NEDD4L: variants seen among roughly 807,000 people sequenced by gnomAD.
The protein encoded by NEDD4L is NEDD4 like E3 ubiquitin protein ligase.
A neutral mutation model predicts 148.9 loss-of-function variants in NEDD4L; 54 were observed. The ratio of observed to expected loss-of-function variants is 0.36; its 90% CI spans 0.29 to 0.45. NEDD4L has a LOEUF of 0.45. Ranked by LOEUF, NEDD4L falls within the 20% of genes least tolerant of loss-of-function variation. The probability of loss-of-function intolerance (pLI) is 1.00; values close to 1 mark genes in which losing one functional copy is unlikely to be tolerated. For missense variants in NEDD4L, 856 were observed against 1,233.8 expected, an observed-to-expected ratio of 0.69 and a Z score of 4.59; for synonymous variants, 433 against 440.7, an observed-to-expected ratio of 0.98 and a Z score of 0.22.
At chr18:58,288,134 G>A (rs932516969) in intron 5 of NEDD4L, among the ~76,000 whole-genome samples, 13 of 152,138 alleles carry the variant, frequency 8.5e-5, no homozygotes, top group African/African-American at 3.1e-4. Flanking sequence ...TTGATAGCAG[G>A]CTGTGGAGAA....
At chr18:58,382,604 C>T (rs1034095645) in intron 24 of NEDD4L, among the ~76,000 whole-genome samples, 1 of 152,070 alleles carries the variant, frequency 6.6e-6, no homozygotes, top group Non-Finnish European at 1.5e-5. Context: ...TTATGGTAAG[C>T]TAGGTCTGGG....
intron 6 of NEDD4L, among the ~76,000 whole-genome samples, chr18:58,320,052 C>A (rs577160361): frequency 1.3e-4 from 20 of 152,312 alleles, no homozygotes; most frequent in African/African-American, 4.6e-4. Flanking sequence ...CCTAGGAGAT[C>A]TGCCTTTTGA....
chr18:58,366,286 A>G lies in NEDD4L; in HGVS notation c.2063+58A>G, dbSNP rs2046095279. On this transcript the variant is annotated intron_variant, in intron 21 of 30. Coordinates refer to ENST00000400345, the MANE Select transcript of NEDD4L (RefSeq NM_001144967.3). The surrounding 1 kb of genome is among the most constrained non-coding windows in gnomAD (Gnocchi z 4.2). ...CCACTGAGACAGTTGTATGAATTTA[A>G]ACAGAATGAAAGGATAAGCAGCTCA... 11 of 1,247,044 alleles carry G rather than the reference A, an allele frequency of 8.8e-6. No individual in the cohort carries two copies. Among genetic ancestry groups the G allele is most frequent in the Admixed American group, 2.6e-5 (1 of 38,506 alleles). The allele number at this position is 1,247,044 out of a possible 1,614,324, so 77.2% of individuals were successfully genotyped here.
chr18:58,317,876 A>C lies in NEDD4L; in HGVS notation c.348+1844A>C, dbSNP rs2058432846. On this transcript the variant is annotated intron_variant, in intron 6 of 30. Transcript: ENST00000400345. ...TGGCGTGCTTCACCTCCATACTTCA[A>C]ACTGACTAGCTGTTCACAGCCAACT... 2.0e-5 allele frequency among the ~76,000 whole-genome samples: 3 copies of C among 152,190 alleles called. No individual in the cohort carries two copies. The South Asian group carries it at 6.2e-4, about 32-fold the overall frequency.
chr18:58,180,821 G>A (rs952590304), intron 2 of NEDD4L, among the ~76,000 whole-genome samples: 3 of 152,202 alleles, frequency 2.0e-5, no homozygotes, highest in Non-Finnish European at 4.4e-5. Context: ...CTGCAGAGGG[G>A]CTCTGCCCAT....
chr18:58,367,622 T>G (rs1444493890), intron 21 of NEDD4L, 124 bp from the exon 22 acceptor site: 20 of 1,025,466 alleles, frequency 2.0e-5, no homozygotes, highest in Non-Finnish European at 2.6e-5. Context: ...GCCCACACAT[T>G]TTCCCACTAG....
At chr18:58,097,132 A>G (rs1190509958) in intron 1 of NEDD4L, among the ~76,000 whole-genome samples, 3 of 152,200 alleles carry the variant, frequency 2.0e-5, no homozygotes, top group African/African-American at 4.8e-5. Flanking sequence ...ATGCACGAAG[A>G]TTGTTTTGTT....
intron 5 of NEDD4L, among the ~76,000 whole-genome samples, chr18:58,265,671 C>T (rs924841957): frequency 6.6e-6 from 1 of 151,868 alleles, no homozygotes; most frequent in Non-Finnish European, 1.5e-5. Flanking sequence ...CTCAAGTGAT[C>T]CTCCCACCTC....
intron 1 of NEDD4L, chr18:58,046,594 G>T (rs920054121): frequency 1.3e-5 from 2 of 152,200 alleles, no homozygotes; most frequent in African/African-American, 4.8e-5. Flanking sequence ...GTGAGTGTCA[G>T]AATCTACCTA....
chr18:58,052,018 T>C (rs895770479), intron 1 of NEDD4L, among the ~76,000 whole-genome samples: 3 of 152,214 alleles, frequency 2.0e-5, no homozygotes, highest in African/African-American at 7.2e-5. Flanking sequence ...GGCTCGGGTG[T>C]TGCTTGTTGC....
intron 1 of NEDD4L, among the ~76,000 whole-genome samples, chr18:58,097,837 G>A (rs1453792275): frequency 6.6e-6 from 1 of 152,092 alleles, no homozygotes; most frequent in African/African-American, 2.4e-5. Flanking sequence ...TTCAAGACCA[G>A]CCTGGACAAC....
chr18:58,314,442 TC>T (rs1380412765), intron 5 of NEDD4L: 2 of 148,928 alleles, frequency 1.3e-5, no homozygotes, highest in Non-Finnish European at 3.0e-5. Flanking sequence ...AATAGTGAAA[TC>T]AGCCAAATAG....
At chr18:58,311,653 G>A (rs556774181) in intron 5 of NEDD4L, among the ~76,000 whole-genome samples, 7 of 152,316 alleles carry the variant, frequency 4.6e-5, no homozygotes, top group South Asian at 2.1e-4. Flanking sequence ...AGTAAGATTC[G>A]AATCACATCC....
At chr18:58,370,326 T>A (rs752532899) in intron 22 of NEDD4L, 71 bp from the exon 23 acceptor site, 1 of 944,978 alleles carries the variant, frequency 1.1e-6, no homozygotes, top group Non-Finnish European at 1.7e-6. Flanking sequence ...CAGGTTAATC[T>A]TTTCTTTCAT....
intron 2 of NEDD4L, among the ~76,000 whole-genome samples, chr18:58,217,638 G>T (rs2043287530): frequency 1.3e-5 from 2 of 152,050 alleles, no homozygotes; most frequent in Admixed American, 1.3e-4. Context: ...ACCATACCCA[G>T]CTAATCTTAG....
chr18:58,372,283 C>CTT (rs397858965), intron 23 of NEDD4L: 237 of 143,406 alleles, frequency 1.7e-3, no homozygotes, highest in African/African-American at 3.9e-3. Flanking sequence ...TAGCTAATTT[C>CTT]TTTTTTTTTT....
intron 1 of NEDD4L, among the ~76,000 whole-genome samples, chr18:58,082,989 T>TA (rs1482789369): frequency 6.6e-6 from 1 of 152,172 alleles, no homozygotes; most frequent in East Asian, 1.9e-4. Context: ...CAGTTTCTGT[T>TA]AATCAGTCAA....
chr18:58,137,856 C>G (rs117429293), intron 1 of NEDD4L, among the ~76,000 whole-genome samples: 1 of 152,302 alleles, frequency 6.6e-6, no homozygotes, highest in Non-Finnish European at 1.5e-5. Flanking sequence ...CATTACTTTT[C>G]CTGCCCAGCT....
rs530497679 is a variant in NEDD4L, at chr18:58,324,903, C to A, written c.514-93C>A. The A allele has an allele frequency of 4.4e-5, 53 of 1,211,900 alleles. 1 individual carries two copies. In the African/African-American group the frequency reaches 6.0e-4, roughly 14 times the overall value. 75.1% of individuals were successfully genotyped at this position (1,211,900 alleles called of 1,614,324 possible). Reference sequence around the variant, plus strand: ...TGGCTAGAGCCAGAGAGCCCCAGAGCAAGGAGAAGGGCATGCAGGGCATGC... The same window carrying A: ...TGGCTAGAGCCAGAGAGCCCCAGAGAAAGGAGAAGGGCATGCAGGGCATGC... On this transcript the variant is annotated intron_variant, in intron 8 of 30. Coordinates refer to ENST00000400345, the MANE Select transcript of NEDD4L (RefSeq NM_001144967.3).
Sources: gnomAD v4.1 joint callset for allele counts (sites outside exome capture counted in the v4.1 genomes callset) on GRCh38, gnomAD v4.1.1 for gene constraint, Gnocchi (gnomAD v3.1) non-coding constraint, MANE v1.5 for transcripts, NCBI Gene and HGNC (gene_info 2026-07-23, HGNC 2026-07-21) for gene names.